ANK2: variants seen among roughly 807,000 people sequenced by gnomAD.
The protein encoded by ANK2 is ankyrin 2.
ANK2 carries 83 observed loss-of-function variants against 360.5 expected under a neutral mutation model. That is an observed-to-expected ratio of 0.23 (90% CI 0.19 to 0.28). The LOEUF (loss-of-function observed/expected upper bound fraction) is 0.28. ANK2 is among the 10% of genes least tolerant of loss of function. The probability of loss-of-function intolerance (pLI) is 1.00; values close to 1 mark genes in which losing one functional copy is unlikely to be tolerated. For synonymous variants in ANK2, 1,740 were observed against 1,759.5 expected, an observed-to-expected ratio of 0.99 and a Z score of 0.28; for missense variants, 4,201 against 4,795.7, an observed-to-expected ratio of 0.88 and a Z score of 3.66.
At chr4:112,975,099 G>C (rs2040923298) in intron 2 of ANK2, among the ~76,000 whole-genome samples, 1 of 152,124 alleles carries the variant, frequency 6.6e-6, no homozygotes, top group Non-Finnish European at 1.5e-5. Context: ...TTTTCATCCA[G>C]TCCGGGAAAT....
chr4:113,235,024 T>C (rs2099360186), intron 5 of ANK2, among the ~76,000 whole-genome samples: 1 of 152,228 alleles, frequency 6.6e-6, no homozygotes, highest in South Asian at 2.1e-4. Context: ...ACCATTTTTA[T>C]ACAGTATTTC....
chr4:112,842,410 T>G (rs1243297576), intron 1 of ANK2, among the ~76,000 whole-genome samples: 1 of 152,206 alleles, frequency 6.6e-6, no homozygotes, highest in South Asian at 2.1e-4. Flanking sequence ...AGAGTAATGA[T>G]TCGTAAGAGT....
intron 45 of ANK2, among the ~76,000 whole-genome samples, chr4:113,378,651 A>G (rs901214474): frequency 2.6e-5 from 4 of 152,198 alleles, no homozygotes; most frequent in Non-Finnish European, 4.4e-5. Flanking sequence ...GGCCAATAAC[A>G]TAAGCATGAG....
chr4:113,307,303 A>G (rs1278101842), intron 23 of ANK2, among the ~76,000 whole-genome samples: 1 of 151,516 alleles, frequency 6.6e-6, no homozygotes, highest in Non-Finnish European at 1.5e-5. Context: ...CCCTTTTTCC[A>G]TGTCTCAGCA....
At chr4:113,270,577 T>G (rs1278255734) in intron 14 of ANK2, among the ~76,000 whole-genome samples, 1 of 152,192 alleles carries the variant, frequency 6.6e-6, no homozygotes, top group East Asian at 1.9e-4. Context: ...ATCTTTTGTT[T>G]ATTTTTTTTC....
intron 1 of ANK2, among the ~76,000 whole-genome samples, chr4:113,109,121 GA>G (rs1379078877): frequency 6.6e-6 from 1 of 151,598 alleles, no homozygotes. Flanking sequence ...AGAGGTAGTG[GA>G]AAAAAACAAA....
Position 113,243,582 on chromosome 4 carries a change from G to C in ANK2, c.891+1373G>C, listed in dbSNP as rs946838176. The stretch of plus-strand genomic sequence containing the variant: ...CTTTGCTGTGGTGTCCAGTGTCTTT[G>C]CATCAGAGTTTTATATGGTTTCTAC... On this transcript the variant is annotated intron_variant, in intron 9 of 45. Transcript: ENST00000357077. 1.6e-4 allele frequency among the ~76,000 whole-genome samples: 25 copies of C among 152,098 alleles called. 1 individual carries two copies. The highest frequency in any genetic ancestry group is 1.6e-3 in the Admixed American group (25 of 15,270).
the ANK2 span, among the ~76,000 whole-genome samples, chr4:112,707,628 CA>C: frequency 7.9e-5 from 12 of 152,062 alleles, no homozygotes; most frequent in Admixed American, 1.3e-4. Flanking sequence ...ATATTTTAAG[CA>C]AAAAATTATT....
the ANK2 span, among the ~76,000 whole-genome samples, chr4:112,748,144 G>C: frequency 6.6e-6 from 1 of 152,138 alleles, no homozygotes; most frequent in Non-Finnish European, 1.5e-5. Context: ...AGAACACGAA[G>C]AGCTCTTCTT....
chr4:113,327,299 A>G (rs1439007495), intron 26 of ANK2, among the ~76,000 whole-genome samples: 1 of 152,212 alleles, frequency 6.6e-6, no homozygotes, highest in African/African-American at 2.4e-5. Context: ...CCTCTATCAA[A>G]GGAAATCAAT....
intron 2 of ANK2, among the ~76,000 whole-genome samples, chr4:112,930,617 A>G (rs546947133): frequency 1.3e-5 from 2 of 152,034 alleles, no homozygotes; most frequent in East Asian, 3.9e-4. Flanking sequence ...CGCCGGGTGC[A>G]GTGGCCCATG....
intron 2 of ANK2, among the ~76,000 whole-genome samples, chr4:112,958,569 CAGAGGGAGACCTTGGAAAGAGAGGG>C (rs2032596599): frequency 6.6e-6 from 1 of 151,940 alleles, no homozygotes; most frequent in Admixed American, 6.5e-5. Context: ...GGCTCGGCAT[CAGAGGGAGACCTTGGAAAGAGAGGG>C]AGAGGGAGAC....
chr4:112,961,206 T>C (rs2154260638), intron 2 of ANK2, among the ~76,000 whole-genome samples: 1 of 152,256 alleles, frequency 6.6e-6, no homozygotes, highest in South Asian at 2.1e-4. Context: ...GTGTCTGATC[T>C]AGCTGCAGTG....
At chr4:113,376,205 T>C (rs1350452159) in intron 45 of ANK2, among the ~76,000 whole-genome samples, 1 of 152,194 alleles carries the variant, frequency 6.6e-6, no homozygotes, top group East Asian at 1.9e-4. Context: ...TAGAATGTCC[T>C]TACACAAACC....
chr4:113,358,518 C>A lies in ANK2; in HGVS notation c.9900C>A (p.Ser3300Arg), dbSNP rs34270799. 40,217 of 1,614,042 alleles carry A rather than the reference C, an allele frequency of 0.025. 586 individuals are homozygous for A. Among genetic ancestry groups the A allele is most frequent in the Non-Finnish European group, 0.029 (34,033 of 1,179,954 alleles). The change falls in exon 38 of 46, where the codon AGC (serine) becomes AGA (arginine). Residue 3300 changes from serine (S) to arginine (R), a missense_variant. By Grantham distance (110) the Ser-to-Arg change is moderately radical. Transcript: ENST00000357077. ...APMENVPFTE[S>R]KSKIPVRTMP... Reference sequence around the variant, plus strand: ...TGGAGAATGTGCCTTTTACTGAAAGCAAATCCAAAATTCCTGTAAGGACTA... The same window carrying A: ...TGGAGAATGTGCCTTTTACTGAAAGAAAATCCAAAATTCCTGTAAGGACTA...
intron 22 of ANK2, among the ~76,000 whole-genome samples, chr4:113,300,015 TGGGC>T (rs2074127708): frequency 6.6e-6 from 1 of 152,114 alleles, no homozygotes; most frequent in African/African-American, 2.4e-5. Context: ...ATACAGAATA[TGGGC>T]TATAATTTAT....
At chr4:113,351,141 A>C (rs989091858) in intron 37 of ANK2, among the ~76,000 whole-genome samples, 1 of 152,074 alleles carries the variant, frequency 6.6e-6, no homozygotes, top group African/African-American at 2.4e-5. Flanking sequence ...TTGTGCCCCA[A>C]ATGCTTTTTA....
chr4:112,869,574 C>T (rs755792850), intron 1 of ANK2, among the ~76,000 whole-genome samples: 4 of 152,226 alleles, frequency 2.6e-5, no homozygotes, highest in Non-Finnish European at 4.4e-5. Flanking sequence ...TAAGCCACCA[C>T]ACCTAGCTCT....
At chr4:112,777,294 A>G in the ANK2 span, among the ~76,000 whole-genome samples, 54,787 of 151,820 alleles carry the variant, frequency 0.36, 10,167 homozygotes, top group East Asian at 0.62. Context: ...GCTGGAGTGC[A>G]GTGGCAGGAT....
Sources: gnomAD v4.1 joint callset for allele counts (sites outside exome capture counted in the v4.1 genomes callset) on GRCh38, gnomAD v4.1.1 for gene constraint, MANE v1.5 for transcripts, NCBI Gene and HGNC (gene_info 2026-07-23, HGNC 2026-07-21) for gene names.